CCT8: variants seen among roughly 807,000 people sequenced by gnomAD.
The protein encoded by CCT8 is chaperonin containing TCP1 subunit 8, also known as T-complex protein 1 subunit theta.
Under a neutral mutation model 65.7 loss-of-function variants are expected in CCT8, and 10 were observed. The observed-to-expected ratio is 0.15, with a 90% CI of 0.09 to 0.26. The LOEUF is 0.26. Ranked by LOEUF, CCT8 falls within the 10% of genes least tolerant of loss-of-function variation. CCT8 has a pLI of 1.00. For synonymous variants in CCT8, 199 were observed against 221.8 expected (o/e 0.90, Z 0.92); for missense variants, 568 against 669.1 (o/e 0.85, Z 1.67).
At chr21:29,057,904 A>C (rs796115604) in intron 14 of CCT8, among the ~76,000 whole-genome samples, 2 of 151,838 alleles carry the variant, frequency 1.3e-5, no homozygotes, top group East Asian at 3.9e-4. Context: ...AGTCCCAGCT[A>C]TTCGGGATGT....
Position 29,065,012 on chromosome 21 carries a change from C to T in CCT8, c.718G>A (p.Ala240Thr). ...DVTSVKDAKI[A>T]VYSCPFDGMI... ...CCATCAAAAGGACAAGAGTACACTG[C>T]TATTTTTGCATCTTTGACAGATGTT... The change falls in exon 7 of 15, where the codon GCA becomes ACA. Residue 240 changes from alanine to threonine, a missense_variant. Transcript: ENST00000286788. 6.2e-7 allele frequency: 1 copy of T among 1,613,786 alleles called. No homozygotes were observed. The highest frequency in any genetic ancestry group is 8.5e-7 in the Non-Finnish European group (1 of 1,179,748).
At position 29,059,899 on chromosome 21, in the gene CCT8, T is replaced by TATAC. The variant is rs757455625; in HGVS notation, c.1569+641_1569+642insGTAT. The TATAC allele has an allele frequency of 3.3e-5, 5 of 152,348 alleles. No homozygotes were observed. In the East Asian group the frequency reaches 5.8e-4, roughly 18 times the overall value. 9.4% of individuals were successfully genotyped at this position (152,348 alleles called of 1,614,324 possible). A position where few individuals can be genotyped will look rare whatever the true frequency, so the allele number is the denominator to read the frequency against. ...TGACATATGACTTTTACCTAATGGATGTATACTGTCCCTCTAGCAAATTAA... is the reference window on the plus strand; with the variant it reads ...TGACATATGACTTTTACCTAATGGATATACGTATACTGTCCCTCTAGCAAATTAA... On this transcript the variant is annotated intron_variant, in intron 14 of 14. Coordinates refer to ENST00000286788, the MANE Select transcript of CCT8 (RefSeq NM_006585.4).
chr21:29,058,221 G>A (rs2085525666), intron 14 of CCT8: 3 of 152,236 alleles, frequency 2.0e-5, no homozygotes, highest in South Asian at 2.1e-4. Flanking sequence ...GACAGATCAC[G>A]AGGTCAAGAG....
chr21:29,073,644 C>G lies in CCT8; in HGVS notation c.-54G>C, dbSNP rs914091219. On this transcript the variant is annotated 5_prime_UTR_variant, in exon 1 of 15. Transcript: ENST00000286788. The stretch of plus-strand genomic sequence containing the variant: ...ACCGCTCGGAAGACCGCGGAGGAAG[C>G]GAGGAGCACGCACAGCCTTCTGGGA... 5 of 1,532,796 alleles carry G rather than the reference C, an allele frequency of 3.3e-6. No individual in the cohort carries two copies. In the African/African-American group the frequency reaches 6.8e-5, roughly 21 times the overall value. 94.9% of individuals were successfully genotyped at this position (1,532,796 alleles called of 1,614,324 possible). A position where few individuals can be genotyped will look rare whatever the true frequency, so the allele number is the denominator to read the frequency against.
chr21:29,070,977 A>G (rs749770815), intron 1 of CCT8, among the ~76,000 whole-genome samples: 57 of 152,246 alleles, frequency 3.7e-4, no homozygotes, highest in Admixed American at 7.2e-4. Context: ...ATCCCAATGT[A>G]TATGTATTGA....
chr21:29,056,797 C>T (rs933335671), intron 14 of CCT8, among the ~76,000 whole-genome samples: 32 of 152,174 alleles, frequency 2.1e-4, no homozygotes, highest in Admixed American at 1.3e-4. Context: ...GATTAGTGAA[C>T]ATTCCAAGAC....
In CCT8 at chr21:29,062,260, T is replaced by A; in HGVS notation, c.1097-17A>T. 1 of 1,607,748 alleles carries A rather than the reference T, an allele frequency of 6.2e-7. No individual in the cohort carries two copies. Among genetic ancestry groups the A allele is most frequent in the Non-Finnish European group, 8.5e-7 (1 of 1,174,448 alleles). Reference sequence around the variant, plus strand: ...CTTCCTTTTCTATCAAAAAATTAAATATATTTGGTGATTAAATACAAGAAG... The same window carrying A: ...CTTCCTTTTCTATCAAAAAATTAAAAATATTTGGTGATTAAATACAAGAAG... On this transcript the variant is annotated splice_polypyrimidine_tract_variant and intron_variant, in intron 10 of 14. Coordinates refer to ENST00000286788, the MANE Select transcript of CCT8 (RefSeq NM_006585.4).
At chr21:29,065,167 T>C (rs2085608086) in intron 6 of CCT8, 62 bp from the exon 7 acceptor site, 7 of 1,544,880 alleles carry the variant, frequency 4.5e-6, no homozygotes, top group African/African-American at 1.4e-5. Context: ...GGTCAAACTG[T>C]TGATTCTCCA....
intron 1 of CCT8, among the ~76,000 whole-genome samples, chr21:29,072,642 C>G (rs149529789): frequency 2.0e-5 from 3 of 152,202 alleles, no homozygotes; most frequent in Non-Finnish European, 4.4e-5. Context: ...ACTGTTAATG[C>G]TCCCCGTACC....
chr21:29,066,594 T>C, intron 6 of CCT8, 122 bp downstream of exon 6: 1 of 593,824 alleles, frequency 1.7e-6, no homozygotes, highest in South Asian at 2.5e-5. Context: ...TCCTAAGTGT[T>C]CAAATCATGA....
intron 14 of CCT8, among the ~76,000 whole-genome samples, chr21:29,057,657 T>G (rs1179960444): frequency 1.7e-5 from 1 of 59,710 alleles, no homozygotes; most frequent in African/African-American, 3.8e-5. Flanking sequence ...ATAATATATA[T>G]ATGATATATG....
rs2085630947 is a variant in CCT8 at position 29,066,991 on chromosome 21, A to C, written c.462T>G (p.Leu154=). ...GAGATGAGACTTCATCAATATCTCG[A>C]AGGTTTTTTGCAGAACAACATACCA... is the stretch of plus-strand genomic sequence containing the variant. ...PNLVCCSAKN[L]RDIDEVSSLL... Residue 154 remains leucine (L), a synonymous_variant, in exon 5 of 15, where the codon CTT becomes CTG. Transcript: ENST00000286788. 1 of 1,613,670 alleles carries C rather than the reference A, an allele frequency of 6.2e-7. No homozygotes were observed. Among genetic ancestry groups the C allele is most frequent in the East Asian group, 2.2e-5 (1 of 44,828 alleles).
intron 11 of CCT8, 65 bp downstream of exon 11, chr21:29,062,063 G>A (rs1418832297): frequency 2.9e-6 from 3 of 1,048,402 alleles, no homozygotes; most frequent in East Asian, 2.4e-5. Context: ...TCTGCAAACT[G>A]TACTTTTAAG....
At position 29,071,451 on chromosome 21, in the gene CCT8, C is replaced by G. The variant is rs191999877; in HGVS notation, c.61-1114G>C. On this transcript the variant is annotated intron_variant, in intron 1 of 14. Transcript: ENST00000286788. ...AGGCTGGAGTGCAGTGAGCTGAGAT[C>G]GTGGCACGATCTCAGCTCACTGCAA... Among the ~76,000 whole-genome samples, 54 of 145,440 alleles carry G rather than the reference C, an allele frequency of 3.7e-4. 1 individual carries two copies. The East Asian group carries it at 1.0e-2, about 27-fold the overall frequency.
intron 14 of CCT8, among the ~76,000 whole-genome samples, chr21:29,057,581 CA>C (rs1342508622): frequency 1.1e-5 from 1 of 91,370 alleles, no homozygotes; most frequent in East Asian, 2.6e-4. Context: ...GCCTGGGCAA[CA>C]AAGTGAGACC....
At position 29,062,193 on chromosome 21, in the gene CCT8, T is replaced by A; in HGVS notation, c.1147A>T (p.Asn383Tyr). The A allele has an allele frequency of 6.2e-7, 1 of 1,613,918 alleles. No individual in the cohort carries two copies. The change falls in exon 11 of 15, where the codon AAT becomes TAT. Residue 383 changes from asparagine to tyrosine, a missense_variant. Transcript: ENST00000286788. ...GCCCTTTCTATGTCATCCATCAGAT[T>A]GTCTGTAGAGCCTCGAAGTACTATG... is the stretch of plus-strand genomic sequence containing the variant. ...STIVLRGSTD[N>Y]LMDDIERAVD...
chr21:29,072,295 TAGAA>T, intron 1 of CCT8: 1 of 230,348 alleles, frequency 4.3e-6, no homozygotes, highest in Non-Finnish European at 8.5e-6. Flanking sequence ...ATTTCTGCCT[TAGAA>T]GGACATAAAC....
At position 29,073,607 on chromosome 21, in the gene CCT8, G is replaced by A; in HGVS notation, c.-17C>T. The A allele has an allele frequency of 1.9e-6, 3 of 1,613,570 alleles. No homozygotes were observed. Among genetic ancestry groups the A allele is most frequent in the South Asian group, 1.1e-5 (1 of 91,078 alleles). ...AAGCGCCATGGCCAGCCTGCAGGAAGCAGTTCACGCGACCGCTCGGAAGAC... is the reference window on the plus strand; with the variant it reads ...AAGCGCCATGGCCAGCCTGCAGGAAACAGTTCACGCGACCGCTCGGAAGAC... On this transcript the variant is annotated 5_prime_UTR_variant, in exon 1 of 15. Coordinates refer to ENST00000286788, the MANE Select transcript of CCT8 (RefSeq NM_006585.4).
chr21:29,057,649 AAT>A lies in CCT8; in HGVS notation c.1570-1099_1570-1098del, dbSNP rs552401896. On this transcript the variant is annotated intron_variant, in intron 14 of 14. Coordinates refer to ENST00000286788, the MANE Select transcript of CCT8 (RefSeq NM_006585.4). ...ATAAAATATATATATAACATTTGAT[AAT>A]ATATATATGATATATGTATCATATA... 3.4e-4 allele frequency among the ~76,000 whole-genome samples: 40 copies of A among 119,322 alleles called. 1 individual carries two copies. Among genetic ancestry groups the A allele is most frequent in the Middle Eastern group, 4.2e-3 (1 of 238 alleles). 78.3% of individuals were successfully genotyped at this position (119,322 alleles called of 152,430 possible). A position where few individuals can be genotyped will look rare whatever the true frequency, so the allele number is the denominator to read the frequency against.
Sources: gnomAD v4.1 joint callset for allele counts (sites outside exome capture counted in the v4.1 genomes callset) on GRCh38, gnomAD v4.1.1 for gene constraint, MANE v1.5 for transcripts, NCBI Gene and HGNC (gene_info 2026-07-23, HGNC 2026-07-21) for gene names.